Variants in CTNNA3 observed in about 807,000 individuals in gnomAD.
CTNNA3 encodes the protein catenin alpha-3.
CTNNA3 carries 76 observed loss-of-function variants against 95.7 expected under a neutral mutation model. That is an observed-to-expected ratio of 0.79 (90% CI 0.66 to 0.96). CTNNA3 has a LOEUF of 0.96. Among genes scored for constraint, CTNNA3 ranks in the 40% least tolerant of loss-of-function variants. CTNNA3 has a pLI of 0.00. For missense variants in CTNNA3, 1,191 were observed against 1,089.8 expected (o/e 1.09, Z -1.31); for synonymous variants, 431 against 374.4 (o/e 1.15, Z -1.74).
At chr10:66,921,743 T>A in intron 7 of CTNNA3, among the ~76,000 whole-genome samples, 1 of 144,742 alleles carries the variant, frequency 6.9e-6, no homozygotes, top group South Asian at 2.1e-4. Context: ...ATATTTTTCT[T>A]TTTTTTCATA....
intron 11 of CTNNA3, among the ~76,000 whole-genome samples, chr10:66,428,975 TGAAAAG>T (rs2093270186): frequency 6.6e-6 from 1 of 151,908 alleles, no homozygotes; most frequent in Non-Finnish European, 1.5e-5. Context: ...GCTGGTTTTT[TGAAAAG>T]ATCAAAAAAA....
At chr10:67,704,230 C>T (rs545862761) in intron 1 of CTNNA3, among the ~76,000 whole-genome samples, 2 of 152,270 alleles carry the variant, frequency 1.3e-5, no homozygotes, top group South Asian at 2.1e-4. Context: ...CAATGCCATC[C>T]CCATCAAGCT....
intron 5 of CTNNA3, among the ~76,000 whole-genome samples, chr10:67,237,122 GTATGTATA>G (rs1398602316): frequency 0.032 from 2,548 of 79,484 alleles, 307 homozygotes; most frequent in East Asian, 0.096. Context: ...AAACTATGGT[GTATGTATA>G]TATATATATA....
intron 2 of CTNNA3, among the ~76,000 whole-genome samples, chr10:67,612,818 A>T (rs1843503981): frequency 6.6e-6 from 1 of 152,138 alleles, no homozygotes; most frequent in East Asian, 1.9e-4. Flanking sequence ...TTGTCATCCA[A>T]GACACAGAAA....
chr10:66,486,799 A>G (rs1335899837), intron 11 of CTNNA3, among the ~76,000 whole-genome samples: 1 of 151,470 alleles, frequency 6.6e-6, no homozygotes, highest in African/African-American at 2.4e-5. Context: ...ACTCATCAAC[A>G]GACGCATGGA....
chr10:66,241,226 A>G (rs1185658244), intron 13 of CTNNA3, among the ~76,000 whole-genome samples: 3 of 152,190 alleles, frequency 2.0e-5, no homozygotes, highest in African/African-American at 4.8e-5. Flanking sequence ...AGTAAGGTCA[A>G]TGAAATGTAT....
At chr10:66,323,008 T>A (rs1293362226) in intron 12 of CTNNA3, among the ~76,000 whole-genome samples, 2 of 151,762 alleles carry the variant, frequency 1.3e-5, no homozygotes, top group African/African-American at 4.8e-5. Context: ...ATAAATCCCA[T>A]AAATGAGCCC....
intron 5 of CTNNA3, among the ~76,000 whole-genome samples, chr10:67,234,450 A>G (rs955325071): frequency 6.6e-6 from 1 of 152,230 alleles, no homozygotes; most frequent in Admixed American, 6.5e-5. Context: ...AAGGCCTTTG[A>G]CAAAATTCAA....
intron 5 of CTNNA3, among the ~76,000 whole-genome samples, chr10:67,436,196 C>T (rs1404707396): frequency 6.6e-6 from 1 of 152,054 alleles, no homozygotes; most frequent in South Asian, 2.1e-4. Context: ...TGATCTTCAA[C>T]AAAGCAAACA....
intron 7 of CTNNA3, among the ~76,000 whole-genome samples, chr10:66,970,069 C>T (rs1480449238): frequency 6.6e-6 from 1 of 152,112 alleles, no homozygotes; most frequent in African/African-American, 2.4e-5. Context: ...GCACCTATCT[C>T]AACAACTGCA....
At chr10:67,359,051 T>C (rs567350674) in intron 5 of CTNNA3, among the ~76,000 whole-genome samples, 1 of 151,864 alleles carries the variant, frequency 6.6e-6, no homozygotes, top group East Asian at 1.9e-4. Context: ...CACGAAAACA[T>C]AAATAAATTC....
intron 7 of CTNNA3, among the ~76,000 whole-genome samples, chr10:67,094,653 A>G (rs1429185462): frequency 6.6e-6 from 1 of 151,814 alleles, no homozygotes; most frequent in African/African-American, 2.4e-5. Context: ...CTACATCTGT[A>G]TACAATACTT....
chr10:67,128,396 C>T (rs1388293574), intron 7 of CTNNA3, among the ~76,000 whole-genome samples: 1 of 152,016 alleles, frequency 6.6e-6, no homozygotes, highest in Non-Finnish European at 1.5e-5. Flanking sequence ...TTAATTTCTA[C>T]ATCTCTCAAC....
At chr10:67,097,669 T>G in intron 7 of CTNNA3, 3 of 1,612,664 alleles carry the variant, frequency 1.9e-6, no homozygotes, top group Non-Finnish European at 2.5e-6. Context: ...CATGAACTTC[T>G]CTCCCATAAG....
At chr10:67,580,323 C>T (rs1042626354) in intron 3 of CTNNA3, among the ~76,000 whole-genome samples, 20 of 152,098 alleles carry the variant, frequency 1.3e-4, no homozygotes, top group African/African-American at 4.3e-4. Context: ...ATCCTTTCCT[C>T]CTTTCTTGTT....
intron 12 of CTNNA3, among the ~76,000 whole-genome samples, chr10:66,285,967 C>A (rs2091581184): frequency 6.6e-6 from 1 of 151,910 alleles, no homozygotes; most frequent in African/African-American, 2.4e-5. Flanking sequence ...TGCTGTATAG[C>A]ATGTCATTAT....
At chr10:66,366,933 CA>C (rs1433919839) in intron 12 of CTNNA3, among the ~76,000 whole-genome samples, 1 of 152,040 alleles carries the variant, frequency 6.6e-6, no homozygotes, top group Non-Finnish European at 1.5e-5. Context: ...ACAACAGTTA[CA>C]GACGGTGTTG....
chr10:67,022,991 T>G (rs1268907893), intron 7 of CTNNA3, among the ~76,000 whole-genome samples: 1 of 152,040 alleles, frequency 6.6e-6, no homozygotes, highest in Admixed American at 6.6e-5. Flanking sequence ...TGAGTGAAAT[T>G]TAAAAAGACT....
intron 10 of CTNNA3, among the ~76,000 whole-genome samples, chr10:66,540,098 A>T (rs922072611): frequency 1.3e-5 from 2 of 152,204 alleles, no homozygotes; most frequent in South Asian, 2.1e-4. Context: ...GAGGTATTAC[A>T]TCCTTACTGT....
Sources: allele counts gnomAD v4.1 joint callset (sites outside exome capture counted in the v4.1 genomes callset), GRCh38; gene constraint gnomAD v4.1.1; transcripts MANE v1.5; gene names NCBI Gene and HGNC (gene_info 2026-07-23, HGNC 2026-07-21).